LEPR: variants seen among roughly 807,000 people sequenced by gnomAD.
The protein encoded by LEPR is leptin receptor.
Under a neutral mutation model 114.7 loss-of-function variants are expected in LEPR, and 56 were observed. The ratio of observed to expected loss-of-function variants is 0.49; its 90% CI spans 0.39 to 0.61. LEPR has a LOEUF of 0.61. Ranked by LOEUF, LEPR falls within the 20% of genes least tolerant of loss-of-function variation. The probability of loss-of-function intolerance (pLI) is 0.00; values close to 1 mark genes in which losing one functional copy is unlikely to be tolerated. For missense variants in LEPR, 1,202 were observed against 1,352.9 expected (o/e 0.89, Z 1.75); for synonymous variants, 443 against 461.4 (o/e 0.96, Z 0.51).
chr1:65,595,742 A>G (rs987055802), intron 6 of LEPR, among the ~76,000 whole-genome samples: 4 of 152,146 alleles, frequency 2.6e-5, no homozygotes, highest in Non-Finnish European at 4.4e-5. Flanking sequence ...CCTTGCTAAT[A>G]TAGAGATGAA....
At chr1:65,457,481 A>G (rs887386227) in intron 2 of LEPR, among the ~76,000 whole-genome samples, 1 of 152,186 alleles carries the variant, frequency 6.6e-6, no homozygotes, top group Non-Finnish European at 1.5e-5. Context: ...TCACTCTACT[A>G]ATAAGCCATC....
chr1:65,627,877 G>T (rs968962511), intron 19 of LEPR, among the ~76,000 whole-genome samples: 5 of 151,950 alleles, frequency 3.3e-5, no homozygotes, highest in African/African-American at 1.2e-4. Flanking sequence ...TCCAAATTCA[G>T]ATATTTTGAA....
chr1:65,613,610 G>A lies in LEPR; in HGVS notation c.1996-2398G>A, dbSNP rs1159157686. ...CTACTAAAAATACAAAAAATTAGCC[G>A]GGCGCGGTGGCGGGCGCCTGTAGTC... On this transcript the variant is annotated intron_variant, in intron 14 of 19. Coordinates refer to ENST00000349533, the MANE Select transcript of LEPR (RefSeq NM_002303.6). 8.5e-5 allele frequency among the ~76,000 whole-genome samples: 11 copies of A among 129,878 alleles called. 2 individuals carry two copies. Among genetic ancestry groups the A allele is most frequent in the East Asian group, 1.3e-3 (2 of 1,590 alleles). 85.2% of individuals were successfully genotyped at this position (129,878 alleles called of 152,430 possible). A position where few individuals can be genotyped will look rare whatever the true frequency, so the allele number is the denominator to read the frequency against.
intron 2 of LEPR, among the ~76,000 whole-genome samples, chr1:65,543,490 A>G (rs1004727873): frequency 1.3e-5 from 2 of 152,012 alleles, no homozygotes; most frequent in Middle Eastern, 3.4e-3. Flanking sequence ...CCATTTGTCA[A>G]TTTTGGCTTT....
intron 19 of LEPR, among the ~76,000 whole-genome samples, chr1:65,625,645 G>A (rs1658159644): frequency 6.6e-6 from 1 of 152,112 alleles, no homozygotes; most frequent in Admixed American, 6.5e-5. Context: ...ACCTGGCTTA[G>A]TGTATCCGTG....
chr1:65,432,537 CCT>C (rs1646500442), intron 2 of LEPR: 1 of 820,390 alleles, frequency 1.2e-6, no homozygotes, highest in Non-Finnish European at 1.5e-6. Flanking sequence ...AACCACTTAA[CCT>C]CTCTGGGTGT....
At chr1:65,615,025 G>T (rs772526679) in intron 14 of LEPR, among the ~76,000 whole-genome samples, 3 of 150,734 alleles carry the variant, frequency 2.0e-5, no homozygotes, top group African/African-American at 4.9e-5. Context: ...AAACTGACAT[G>T]TTTTTTTTTC....
At chr1:65,580,503 C>T (rs1654907662) in intron 5 of LEPR, among the ~76,000 whole-genome samples, 1 of 152,162 alleles carries the variant, frequency 6.6e-6, no homozygotes, top group Admixed American at 6.5e-5. Context: ...TGTTTGGGCT[C>T]AGATATTAAT....
At chr1:65,618,209 T>G in intron 16 of LEPR, 63 bp downstream of exon 16, 5 of 1,472,638 alleles carry the variant, frequency 3.4e-6, no homozygotes, top group Non-Finnish European at 4.6e-6. Flanking sequence ...AGATTATTAA[T>G]TCTATTAATA....
intron 2 of LEPR, among the ~76,000 whole-genome samples, chr1:65,547,557 T>C (rs1651860711): frequency 6.6e-6 from 1 of 151,874 alleles, no homozygotes; most frequent in Non-Finnish European, 1.5e-5. Flanking sequence ...TGTCGAGGAA[T>C]TTATCCATTT....
At chr1:65,566,454 C>A (rs961175088) in intron 3 of LEPR, among the ~76,000 whole-genome samples, 4 of 152,172 alleles carry the variant, frequency 2.6e-5, no homozygotes, top group Admixed American at 1.3e-4. Flanking sequence ...CCCGCCTCGG[C>A]CTCCCAAAGT....
intron 6 of LEPR, 87 bp from the exon 7 acceptor site, chr1:65,596,361 T>C: frequency 6.5e-7 from 1 of 1,533,548 alleles, no homozygotes; most frequent in Non-Finnish European, 8.9e-7. Context: ...CAAGATATGA[T>C]GAAAATTTAT....
At chr1:65,526,493 G>GT in intron 2 of LEPR, 2 of 887,178 alleles carry the variant, frequency 2.3e-6, no homozygotes, top group Non-Finnish European at 2.7e-6. Flanking sequence ...TAGAACTTGT[G>GT]TTTGCAAACA....
intron 2 of LEPR, among the ~76,000 whole-genome samples, chr1:65,484,229 C>T (rs536971819): frequency 6.6e-6 from 1 of 152,242 alleles, no homozygotes; most frequent in South Asian, 2.1e-4. Context: ...TCCCAGATTA[C>T]TTGGCCCATA....
intron 2 of LEPR, among the ~76,000 whole-genome samples, chr1:65,462,152 T>C (rs1570495732): frequency 6.6e-6 from 1 of 151,892 alleles, no homozygotes; most frequent in African/African-American, 2.4e-5. Flanking sequence ...CCCTCTCCCA[T>C]CCCCCCACCC....
Position 65,432,738 on chromosome 1 carries a change from A to T in LEPR, c.-21+7360A>T, listed in dbSNP as rs541510717. ...GAATAAGTGTGATTTTTTTTTAAAG[A>T]TCACTTGCACAGCATGCTAAATATA... On this transcript the variant is annotated intron_variant, in intron 2 of 19. Transcript: ENST00000349533. 3 of 652,074 alleles carry T rather than the reference A, an allele frequency of 4.6e-6. No individual in the cohort carries two copies. In the South Asian group the frequency reaches 2.1e-4, roughly 45 times the overall value. 40.4% of individuals were successfully genotyped at this position (652,074 alleles called of 1,614,324 possible). A position where few individuals can be genotyped will look rare whatever the true frequency, so the allele number is the denominator to read the frequency against.
intron 2 of LEPR, among the ~76,000 whole-genome samples, chr1:65,563,809 T>TGG (rs1653458362): frequency 8.8e-6 from 1 of 113,440 alleles, no homozygotes; most frequent in African/African-American, 3.2e-5. Flanking sequence ...TGGAATACCC[T>TGG]GCCGTGTGAG....
At chr1:65,430,870 G>T (rs1285549053) in intron 2 of LEPR, among the ~76,000 whole-genome samples, 1 of 152,224 alleles carries the variant, frequency 6.6e-6, no homozygotes, top group East Asian at 1.9e-4. Flanking sequence ...CAAGAAGAGA[G>T]AAATTCCGAC....
intron 2 of LEPR, among the ~76,000 whole-genome samples, chr1:65,551,345 TG>T (rs1214797606): frequency 3.3e-5 from 5 of 152,130 alleles, no homozygotes; most frequent in Admixed American, 6.5e-5. Flanking sequence ...TGTCTGGTCC[TG>T]GGCCTTTTTT....
Sources: gnomAD v4.1 joint callset for allele counts (sites outside exome capture counted in the v4.1 genomes callset) on GRCh38, gnomAD v4.1.1 for gene constraint, MANE v1.5 for transcripts, NCBI Gene and HGNC (gene_info 2026-07-23, HGNC 2026-07-21) for gene names.